ZDHHC14: variants seen among roughly 807,000 people sequenced by gnomAD.
ZDHHC14 encodes zDHHC palmitoyltransferase 14, also known as palmitoyltransferase ZDHHC14.
Under a neutral mutation model 47.7 loss-of-function variants are expected in ZDHHC14, and 16 were observed. The observed-to-expected ratio is 0.34, with a 90% confidence interval of 0.23 to 0.51. The LOEUF (loss-of-function observed/expected upper bound fraction) is 0.51, where lower values mean the gene tolerates loss of function less well. Among genes scored for constraint, ZDHHC14 ranks in the 20% least tolerant of loss-of-function variants. The pLI is 0.97. For missense variants in ZDHHC14, 515 were observed against 662.5 expected (o/e 0.78, Z 2.44); for synonymous variants, 293 against 278.9 (o/e 1.05, Z -0.50).
intron 1 of ZDHHC14, among the ~76,000 whole-genome samples, chr6:157,390,183 T>A (rs967181182): frequency 1.3e-5 from 2 of 152,216 alleles, no homozygotes; most frequent in African/African-American, 4.8e-5. Flanking sequence ...GAATTCTAGG[T>A]TGATAGTCTT....
At chr6:157,445,105 TACACACACAC>T (rs533031947) in intron 1 of ZDHHC14, among the ~76,000 whole-genome samples, 1,499 of 131,760 alleles carry the variant, frequency 0.011, 29 homozygotes, top group African/African-American at 0.039. Context: ...TGCCAGATAT[TACACACACAC>T]ACACACACAC....
chr6:157,413,928 A>G (rs1342536012), intron 1 of ZDHHC14, among the ~76,000 whole-genome samples: 2 of 149,828 alleles, frequency 1.3e-5, no homozygotes, highest in East Asian at 1.9e-4. Flanking sequence ...CTGTGCTATT[A>G]TTATTATTAT....
chr6:157,396,192 C>T (rs992094944), intron 1 of ZDHHC14, among the ~76,000 whole-genome samples: 6 of 152,042 alleles, frequency 3.9e-5, no homozygotes, highest in African/African-American at 1.4e-4. Context: ...CTTCACCTGC[C>T]GACCGTGCTG....
At chr6:157,451,634 C>T (rs888514365) in intron 1 of ZDHHC14, among the ~76,000 whole-genome samples, 2 of 152,224 alleles carry the variant, frequency 1.3e-5, no homozygotes, top group Non-Finnish European at 2.9e-5. Flanking sequence ...AATATCAGCT[C>T]ACTGCAATCT....
At chr6:157,493,010 T>A (rs1232918771) in intron 1 of ZDHHC14, among the ~76,000 whole-genome samples, 1 of 152,084 alleles carries the variant, frequency 6.6e-6, no homozygotes, top group African/African-American at 2.4e-5. Flanking sequence ...GGGAAGCCTC[T>A]GGAGGGTTTG....
chr6:157,593,471 A>C (rs1783999048), intron 3 of ZDHHC14, among the ~76,000 whole-genome samples: 1 of 152,088 alleles, frequency 6.6e-6, no homozygotes, highest in East Asian at 1.9e-4. Context: ...GTCTGGCCAC[A>C]CACCTACGGG....
At chr6:157,542,471 C>T in intron 1 of ZDHHC14, 114 bp from the exon 2 acceptor site, 1 of 1,360,242 alleles carries the variant, frequency 7.4e-7, no homozygotes, top group South Asian at 1.5e-5. Context: ...ATCAATTTCT[C>T]TCCTCCAAAT....
At chr6:157,449,711 T>C (rs1303307306) in intron 1 of ZDHHC14, among the ~76,000 whole-genome samples, 1 of 152,206 alleles carries the variant, frequency 6.6e-6, no homozygotes, top group Non-Finnish European at 1.5e-5. Context: ...TTTTAGTCTC[T>C]GGGGCACGTG....
At chr6:157,494,165 C>G (rs1440781667) in intron 1 of ZDHHC14, among the ~76,000 whole-genome samples, 1 of 152,220 alleles carries the variant, frequency 6.6e-6, no homozygotes, top group African/African-American at 2.4e-5. Context: ...ACTTGATCAC[C>G]TCTGAGTTCC....
intron 1 of ZDHHC14, among the ~76,000 whole-genome samples, chr6:157,483,316 G>A (rs932774208): frequency 6.6e-6 from 1 of 152,128 alleles, no homozygotes; most frequent in Non-Finnish European, 1.5e-5. Context: ...AATTCATGCT[G>A]GTCTTGTTTT....
At chr6:157,630,325 TTGTG>T (rs1225682093) in intron 4 of ZDHHC14, 1 of 152,172 alleles carries the variant, frequency 6.6e-6, no homozygotes, top group African/African-American at 2.4e-5. Context: ...CAAGATGCTT[TTGTG>T]TGTATTATGG....
chr6:157,610,363 C>T (rs949257809), intron 3 of ZDHHC14, among the ~76,000 whole-genome samples: 1 of 152,042 alleles, frequency 6.6e-6, no homozygotes, highest in African/African-American at 2.4e-5. Flanking sequence ...ACCCGGGAGG[C>T]GGAGCTTGCA....
At position 157,674,249 on chromosome 6, in the gene ZDHHC14, G is replaced by A. The variant is rs1778930952; in HGVS notation, c.*1127G>A. The stretch of plus-strand genomic sequence containing the variant: ...ACGCTCAGGGAGAAGGTTCTGTCGG[G>A]CGTCTTCTGGGCTTCCTTCTGTGTT... On this transcript the variant is annotated 3_prime_UTR_variant, in exon 9 of 9. Coordinates refer to ENST00000359775, the MANE Select transcript of ZDHHC14 (RefSeq NM_024630.3). The A allele has an allele frequency of 6.6e-6, 1 of 152,174 alleles. No homozygotes were observed. Among genetic ancestry groups the A allele is most frequent in the African/African-American group, 2.4e-5 (1 of 41,416 alleles). The allele number at this position is 152,174 out of a possible 1,614,324, so 9.4% of individuals were successfully genotyped here.
chr6:157,402,583 G>A (rs2114748303), intron 1 of ZDHHC14, among the ~76,000 whole-genome samples: 1 of 152,316 alleles, frequency 6.6e-6, no homozygotes, highest in Admixed American at 6.5e-5. Context: ...CTATCATCGT[G>A]TCAACAAAAT....
intron 1 of ZDHHC14, among the ~76,000 whole-genome samples, chr6:157,533,890 T>C (rs924802982): frequency 8.9e-4 from 135 of 152,256 alleles, no homozygotes; most frequent in African/African-American, 3.2e-3. Context: ...ACAATAATGA[T>C]ATATGATTTT....
intron 1 of ZDHHC14, among the ~76,000 whole-genome samples, chr6:157,496,857 A>G (rs1236474563): frequency 6.6e-6 from 1 of 152,226 alleles, no homozygotes; most frequent in Non-Finnish European, 1.5e-5. Flanking sequence ...GAACTGCCCA[A>G]GGGCTTCCTT....
intron 1 of ZDHHC14, among the ~76,000 whole-genome samples, chr6:157,478,613 T>C (rs644283): frequency 0.25 from 38,097 of 152,008 alleles, 5,154 homozygotes; most frequent in East Asian, 0.43. Context: ...CCTTTACGAT[T>C]TCTAGAGGGG....
At chr6:157,635,746 G>A (rs1022314340) in intron 5 of ZDHHC14, among the ~76,000 whole-genome samples, 3 of 152,204 alleles carry the variant, frequency 2.0e-5, no homozygotes, top group Admixed American at 6.5e-5. Flanking sequence ...GGAAGCAAGC[G>A]TGGCAGTAGC....
intron 1 of ZDHHC14, among the ~76,000 whole-genome samples, chr6:157,394,560 G>A (rs1348249108): frequency 6.6e-6 from 1 of 152,170 alleles, no homozygotes; most frequent in East Asian, 1.9e-4. Context: ...AGGTGACAGT[G>A]GAACCCCAGC....
Sources: allele counts gnomAD v4.1 joint callset (sites outside exome capture counted in the v4.1 genomes callset), GRCh38; gene constraint gnomAD v4.1.1; transcripts MANE v1.5; gene names NCBI Gene and HGNC (gene_info 2026-07-23, HGNC 2026-07-21).